RETREG1: variants seen among roughly 807,000 people sequenced by gnomAD.
RETREG1 encodes the protein family with sequence similarity 134 member B.
In RETREG1, 44 loss-of-function variants were observed where a neutral mutation model predicts 54.8. The observed-to-expected ratio is 0.80, with a 90% CI of 0.63 to 1.03. The LOEUF (loss-of-function observed/expected upper bound fraction) is 1.03. Ranked by LOEUF, RETREG1 falls within the 50% of genes least tolerant of loss-of-function variation. RETREG1 has a pLI of 0.00. For synonymous variants in RETREG1, 217 were observed against 238.5 expected (o/e 0.91, Z 0.83); for missense variants, 554 against 605.1 (o/e 0.92, Z 0.89).
chr5:16,572,213 CTTTTTTT>C, intron 1 of RETREG1, 111 bp from the exon 2 acceptor site: 3 of 562,286 alleles, frequency 5.3e-6, no homozygotes, highest in Non-Finnish European at 3.2e-6. Flanking sequence ...AATGATTTCA[CTTTTTTT>C]TTTTTTTTTT....
chr5:16,559,997 T>C (rs996508829), intron 3 of RETREG1, among the ~76,000 whole-genome samples: 4 of 152,222 alleles, frequency 2.6e-5, no homozygotes, highest in Admixed American at 2.0e-4. Flanking sequence ...CAAGCATGGG[T>C]CCTTCTCAGA....
chr5:16,514,584 T>A (rs1740284550), intron 3 of RETREG1, among the ~76,000 whole-genome samples: 1 of 152,156 alleles, frequency 6.6e-6, no homozygotes, highest in Non-Finnish European at 1.5e-5. Context: ...TTTGGTTACA[T>A]GGATAAGTTC....
At chr5:16,595,064 A>G (rs1435772902) in intron 1 of RETREG1, among the ~76,000 whole-genome samples, 1 of 152,154 alleles carries the variant, frequency 6.6e-6, no homozygotes, top group African/African-American at 2.4e-5. Context: ...CCATGTGCAA[A>G]GATGGTATTT....
chr5:16,508,437 T>C (rs1740046747), intron 3 of RETREG1: 1 of 853,602 alleles, frequency 1.2e-6, no homozygotes, highest in Non-Finnish European at 1.9e-6. Flanking sequence ...AAGAAAATTA[T>C]GTTTCCTGGA....
At chr5:16,570,148 T>G (rs1010450122) in intron 2 of RETREG1, among the ~76,000 whole-genome samples, 1 of 152,236 alleles carries the variant, frequency 6.6e-6, no homozygotes, top group Non-Finnish European at 1.5e-5. Context: ...ATGCAGTCTA[T>G]CATGGGGCTT....
chr5:16,579,254 C>T (rs1742419927), intron 1 of RETREG1, among the ~76,000 whole-genome samples: 1 of 152,138 alleles, frequency 6.6e-6, no homozygotes. Flanking sequence ...AGGAAGGGAT[C>T]GTCATTAAAC....
At chr5:16,546,799 G>A (rs369865373) in intron 3 of RETREG1, among the ~76,000 whole-genome samples, 67 of 152,032 alleles carry the variant, frequency 4.4e-4, no homozygotes, top group African/African-American at 1.4e-3. Context: ...CCATGGACTT[G>A]TTCCCTTCAT....
chr5:16,575,317 A>G (rs796863348), intron 1 of RETREG1, among the ~76,000 whole-genome samples: 5 of 152,340 alleles, frequency 3.3e-5, no homozygotes, highest in African/African-American at 1.2e-4. Flanking sequence ...CATGAGACAG[A>G]ACCTGCAAAT....
chr5:16,498,988 C>A (rs1190898009), intron 3 of RETREG1, among the ~76,000 whole-genome samples: 1 of 151,550 alleles, frequency 6.6e-6, no homozygotes, highest in East Asian at 1.9e-4. Context: ...TAACGCTTAC[C>A]CTAAAACACA....
chr5:16,477,687 G>T lies in RETREG1; in HGVS notation c.975C>A (p.Tyr325Ter). The T allele has an allele frequency of 6.2e-7, 1 of 1,613,056 alleles. No individual in the cohort carries two copies. The highest frequency in any genetic ancestry group is 8.5e-7 in the Non-Finnish European group (1 of 1,179,278). ...DNGTFNLSEG[Y>*]TPQTDTSDDL... ...CATCAGAAGTGTCTGTCTGTGGAGT[G>T]TATCCTTCTGAAAGGTTGAAGGTCC... Residue 325 changes from tyrosine to a stop codon, truncating the protein, a stop_gained, in exon 8 of 9, where the codon TAC becomes TAA. Coordinates refer to ENST00000306320, the MANE Select transcript of RETREG1 (RefSeq NM_001034850.3). LOFTEE classifies it high-confidence loss of function.
At chr5:16,551,194 C>T (rs781282559) in intron 3 of RETREG1, among the ~76,000 whole-genome samples, 5 of 152,120 alleles carry the variant, frequency 3.3e-5, no homozygotes, top group Admixed American at 1.3e-4. Flanking sequence ...AACTGTGATT[C>T]ACACTACCTA....
chr5:16,538,849 C>T (rs1023541844), intron 3 of RETREG1, among the ~76,000 whole-genome samples: 5 of 152,106 alleles, frequency 3.3e-5, no homozygotes, highest in Admixed American at 6.5e-5. Flanking sequence ...GGACTACAGG[C>T]GCCTGCCACA....
At chr5:16,584,812 A>G in intron 1 of RETREG1, among the ~76,000 whole-genome samples, 1 of 152,244 alleles carries the variant, frequency 6.6e-6, no homozygotes, top group East Asian at 1.9e-4. Flanking sequence ...TCCCATTTTC[A>G]GAGCTGTTTA....
chr5:16,553,423 G>A (rs1028162192), intron 3 of RETREG1, among the ~76,000 whole-genome samples: 14 of 151,748 alleles, frequency 9.2e-5, no homozygotes, highest in African/African-American at 3.4e-4. Context: ...ACATATATGT[G>A]ATTTAAATAT....
Position 16,478,059 on chromosome 5 carries a change from A to C in RETREG1, c.848T>G (p.Leu283Ter), listed in dbSNP as rs764087267. The C allele has an allele frequency of 1.2e-6, 2 of 1,610,470 alleles. No individual in the cohort carries two copies. Among genetic ancestry groups the C allele is most frequent in the Admixed American group, 3.4e-5 (2 of 59,676 alleles). The part of the protein sequence containing the change: ...KEKSHKDDSE[L>*]DFSALCPKIS... Reference sequence around the variant, plus strand: ...CTTAGGACAAAGAGCTGAAAAGTCTAATTCACTGTCATCTTTGTGACTTTT... The same window carrying C: ...CTTAGGACAAAGAGCTGAAAAGTCTCATTCACTGTCATCTTTGTGACTTTT... Residue 283 changes from leucine (L) to a stop codon, truncating the protein, a stop_gained, in exon 7 of 9, where the codon TTA becomes TGA. Transcript: ENST00000306320. LOFTEE classifies it high-confidence loss of function.
chr5:16,616,063 CTG>C (rs1258270888), intron 1 of RETREG1: 1 of 152,288 alleles, frequency 6.6e-6, no homozygotes, highest in Non-Finnish European at 1.5e-5. Context: ...GTTTTCCACA[CTG>C]TGCACACCCG....
chr5:16,565,442 T>C (rs1561122501), intron 3 of RETREG1, among the ~76,000 whole-genome samples: 1 of 152,180 alleles, frequency 6.6e-6, no homozygotes, highest in Non-Finnish European at 1.5e-5. Context: ...AGCAGTTTTG[T>C]TCACATCCCA....
intron 3 of RETREG1, among the ~76,000 whole-genome samples, chr5:16,543,186 T>C (rs1251563757): frequency 6.6e-6 from 1 of 152,240 alleles, no homozygotes; most frequent in East Asian, 1.9e-4. Context: ...ACTTTTATTG[T>C]TGAGCAGTAT....
chr5:16,528,714 C>G (rs955148849), intron 3 of RETREG1, among the ~76,000 whole-genome samples: 7 of 152,160 alleles, frequency 4.6e-5, no homozygotes, highest in African/African-American at 1.2e-4. Flanking sequence ...TTCAAAGCAC[C>G]TGTCTGAAGA....
Sources: gnomAD v4.1 joint callset for allele counts (sites outside exome capture counted in the v4.1 genomes callset) on GRCh38, gnomAD v4.1.1 for gene constraint, MANE v1.5 for transcripts, NCBI Gene and HGNC (gene_info 2026-07-23, HGNC 2026-07-21) for gene names.